Variants in STK39 observed in about 807,000 individuals in gnomAD.
The protein encoded by STK39 is STE20/SPS1-related proline-alanine-rich protein kinase.
STK39 carries 20 observed loss-of-function variants against 77.8 expected under a neutral mutation model. The ratio of observed to expected loss-of-function variants is 0.26; its 90% CI spans 0.18 to 0.37. The LOEUF is 0.37. Among genes scored for constraint, STK39 ranks in the 10% least tolerant of loss-of-function variants. The pLI is 1.00. For missense variants in STK39, 479 were observed against 656.5 expected, an observed-to-expected ratio of 0.73 and a Z score of 2.95; for synonymous variants, 246 against 234.1, an observed-to-expected ratio of 1.05 and a Z score of -0.47.
intron 10 of STK39, among the ~76,000 whole-genome samples, chr2:168,100,501 C>T (rs545003320): frequency 2.0e-5 from 3 of 152,248 alleles, no homozygotes; most frequent in African/African-American, 7.2e-5. Context: ...TGGGCTCAAG[C>T]GATCCTCCTG....
At chr2:168,060,756 G>C (rs1471956434) in intron 14 of STK39, among the ~76,000 whole-genome samples, 1 of 152,118 alleles carries the variant, frequency 6.6e-6, no homozygotes, top group Admixed American at 6.5e-5. Context: ...GATATCCTTT[G>C]GAATAATTGT....
chr2:168,192,142 A>C (rs1689355020), intron 1 of STK39, among the ~76,000 whole-genome samples: 1 of 152,194 alleles, frequency 6.6e-6, no homozygotes, highest in Non-Finnish European at 1.5e-5. Flanking sequence ...AAGAACAGTA[A>C]CAGGATGAAG....
intron 5 of STK39, among the ~76,000 whole-genome samples, chr2:168,151,976 G>T (rs1006552951): frequency 8.5e-5 from 13 of 152,258 alleles, no homozygotes; most frequent in Admixed American, 8.5e-4. Flanking sequence ...CAGATAATCT[G>T]CCCATCTATG....
intron 10 of STK39, among the ~76,000 whole-genome samples, chr2:168,126,623 G>T (rs1559109899): frequency 6.6e-6 from 1 of 152,122 alleles, no homozygotes; most frequent in Non-Finnish European, 1.5e-5. Context: ...GCATTGTGGG[G>T]GTTCAAATGA....
At chr2:168,202,648 C>T (rs568149331) in intron 1 of STK39, among the ~76,000 whole-genome samples, 8 of 152,136 alleles carry the variant, frequency 5.3e-5, no homozygotes, top group East Asian at 1.9e-4. Context: ...CCAAAGATAA[C>T]GACTTCCCTC....
At chr2:168,080,463 A>G (rs1686198832) in intron 10 of STK39, among the ~76,000 whole-genome samples, 1 of 152,122 alleles carries the variant, frequency 6.6e-6, no homozygotes, top group Non-Finnish European at 1.5e-5. Context: ...CCCCGTCTCC[A>G]CTAAAAATAC....
At chr2:168,140,816 G>A in intron 5 of STK39, 58 bp from the exon 6 acceptor site, 1 of 1,386,242 alleles carries the variant, frequency 7.2e-7, no homozygotes, top group Non-Finnish European at 9.9e-7. Flanking sequence ...CTTATAAATT[G>A]TGATTTTTTG....
chr2:168,193,118 C>G (rs1222582123), intron 1 of STK39, among the ~76,000 whole-genome samples: 3 of 152,162 alleles, frequency 2.0e-5, no homozygotes, highest in African/African-American at 7.2e-5. Context: ...AACATTTCTC[C>G]TACTCACAGA....
intron 1 of STK39, among the ~76,000 whole-genome samples, chr2:168,229,649 TTTAAA>T (rs1690401474): frequency 6.6e-6 from 1 of 152,208 alleles, no homozygotes; most frequent in Non-Finnish European, 1.5e-5. Flanking sequence ...AAAATCTACC[TTTAAA>T]TTGAGTGATG....
intron 1 of STK39, among the ~76,000 whole-genome samples, chr2:168,216,939 G>C (rs747159546): frequency 3.3e-5 from 5 of 152,194 alleles, no homozygotes; most frequent in African/African-American, 4.8e-5. Flanking sequence ...TTAAAAGCCA[G>C]CCCAGGAGCC....
intron 1 of STK39, among the ~76,000 whole-genome samples, chr2:168,191,805 T>C (rs1689347328): frequency 6.6e-6 from 1 of 152,158 alleles, no homozygotes; most frequent in Admixed American, 6.5e-5. Flanking sequence ...AATACGAAGA[T>C]CTTATTCAAC....
intron 10 of STK39, among the ~76,000 whole-genome samples, chr2:168,126,601 C>T (rs188141709): frequency 3.3e-5 from 5 of 152,240 alleles, no homozygotes; most frequent in African/African-American, 1.2e-4. Flanking sequence ...CCTAGGAACA[C>T]GTGTATGCCA....
In STK39 at chr2:168,247,560, C is replaced by CCGCCGT; in HGVS notation, c.-126_-125insACGGCG. On this transcript the variant is annotated 5_prime_UTR_variant, in exon 1 of 18. Coordinates refer to ENST00000355999, the MANE Select transcript of STK39 (RefSeq NM_013233.3). ...CCCTCCCCGCCCGCCGCCGCCGCCG[C>CCGCCGT]CGTCCCCGCCGAAGCCAGCTAGGAG... 1 of 740,840 alleles carries CCGCCGT rather than the reference C, an allele frequency of 1.3e-6. No individual in the cohort carries two copies. The highest frequency in any genetic ancestry group is 5.4e-5 in the Admixed American group (1 of 18,352). 45.9% of individuals were successfully genotyped at this position (740,840 alleles called of 1,614,324 possible). A position where few individuals can be genotyped will look rare whatever the true frequency, so the allele number is the denominator to read the frequency against.
At chr2:168,230,066 T>C (rs896685136) in intron 1 of STK39, among the ~76,000 whole-genome samples, 1 of 152,206 alleles carries the variant, frequency 6.6e-6, no homozygotes, top group Non-Finnish European at 1.5e-5. Context: ...AAAACAAAAG[T>C]TAGATGAATG....
chr2:168,184,040 C>T lies in STK39; in HGVS notation c.209-1950G>A, dbSNP rs192048239. Among the ~76,000 whole-genome samples, 172 of 152,300 alleles carry T rather than the reference C, an allele frequency of 1.1e-3. 1 individual carries two copies. Among genetic ancestry groups the T allele is most frequent in the Middle Eastern group, 0.01 (3 of 294 alleles). On this transcript the variant is annotated intron_variant, in intron 1 of 17. Coordinates refer to ENST00000355999, the MANE Select transcript of STK39 (RefSeq NM_013233.3). ...ATCCTCAGCTCTACCTGCAATAAAT[C>T]TCCCCCCAGCTCAGCTTCTCCATCC...
intron 14 of STK39, among the ~76,000 whole-genome samples, chr2:168,043,226 C>T (rs1322729638): frequency 6.6e-6 from 1 of 151,996 alleles, no homozygotes. Flanking sequence ...ATTTTATACC[C>T]CCAGAACAGT....
intron 16 of STK39, among the ~76,000 whole-genome samples, chr2:167,984,283 G>A (rs1683502396): frequency 6.6e-6 from 1 of 152,200 alleles, no homozygotes; most frequent in Non-Finnish European, 1.5e-5. Context: ...GAGTGCTGTT[G>A]GAGGGGCAGG....
chr2:168,116,678 A>C (rs1002059487), intron 10 of STK39, among the ~76,000 whole-genome samples: 9 of 152,140 alleles, frequency 5.9e-5, no homozygotes, highest in African/African-American at 1.7e-4. Context: ...TTGAATGACC[A>C]CAACCTAAGA....
At chr2:168,077,976 C>G (rs1686124220) in intron 10 of STK39, among the ~76,000 whole-genome samples, 1 of 151,584 alleles carries the variant, frequency 6.6e-6, no homozygotes, top group South Asian at 2.1e-4. Context: ...ATTATTTACC[C>G]TTGTAATTCT....
Sources: gnomAD v4.1 joint callset for allele counts (sites outside exome capture counted in the v4.1 genomes callset) on GRCh38, gnomAD v4.1.1 for gene constraint, MANE v1.5 for transcripts, NCBI Gene and HGNC (gene_info 2026-07-23, HGNC 2026-07-21) for gene names.